Variants in OR2AK2 observed in about 807,000 individuals in gnomAD.
OR2AK2 encodes olfactory receptor 2AK2.
For missense variants in OR2AK2, 392 were observed against 384.1 expected (o/e 1.02, Z -0.17); for synonymous variants, 139 against 147.2 (o/e 0.94, Z 0.40).
rs148880648 is a variant in OR2AK2, at chr1:247,965,949, C to T, written c.573C>T (p.Asp191=). Residue 191 remains aspartate, a synonymous_variant, in exon 1 of 1, where the codon GAC becomes GAT. Transcript: ENST00000366480. ...CTCTACTATCATTGGTGTGTCAGGA[C>T]ACCTCCCAGTATGAGTATACAGTCC... is the stretch of plus-strand genomic sequence containing the variant. 1,043 of 1,608,602 alleles carry T rather than the reference C, an allele frequency of 6.5e-4. 1 individual carries two copies. Among genetic ancestry groups the T allele is most frequent in the Non-Finnish European group, 7.9e-4 (925 of 1,177,050 alleles).
exon 1 of OR2AK2, chr1:247,966,094 A>C (rs752019788): frequency 8.7e-6 from 14 of 1,613,952 alleles, no homozygotes; most frequent in Non-Finnish European, 1.1e-5. Flanking sequence ...AGCTGTTTCC[A>C]CTTGTTCCTC....
At chr1:247,965,270 G>A (rs1028414923) in exon 1 of OR2AK2, 1 of 1,331,094 alleles carries the variant, frequency 7.5e-7, no homozygotes, top group African/African-American at 1.5e-5. Context: ...ACATGTAAGT[G>A]AATATTTATT....
chr1:247,965,590 A>T, exon 1 of OR2AK2: 1 of 1,589,050 alleles, frequency 6.3e-7, no homozygotes, highest in Non-Finnish European at 8.6e-7. Flanking sequence ...CGTTGACCTC[A>T]TGTACATCTC....
At chr1:247,966,149 C>T (rs2103033332) in exon 1 of OR2AK2, 1 of 1,614,154 alleles carries the variant, frequency 6.2e-7, no homozygotes, top group Non-Finnish European at 8.5e-7. Flanking sequence ...ACTCTCTTTA[C>T]CTACACAAGG....
chr1:247,965,450 C>G (rs367603894), exon 1 of OR2AK2: 10 of 1,613,654 alleles, frequency 6.2e-6, no homozygotes, highest in Non-Finnish European at 7.6e-6. Context: ...TGGATAAACT[C>G]TCTTCTCTTT....
rs762679392 is a variant in OR2AK2 at position 247,966,076 on chromosome 1, C to A, written c.700C>A (p.Gln234Lys). 2 of 1,614,186 alleles carry A rather than the reference C, an allele frequency of 1.2e-6. No individual in the cohort carries two copies. Among genetic ancestry groups the A allele is most frequent in the South Asian group, 2.2e-5 (2 of 91,084 alleles). The change falls in exon 1 of 1, where the codon CAG (glutamine) becomes AAG (lysine). Residue 234 changes from glutamine (Q) to lysine (K), a missense_variant. Transcript: ENST00000366480. ...ATTCCAGATGAGCTCAGGAAAAGGA[C>A]AGGCAAAAGCTGTTTCCACTTGTTC...
chr1:247,965,354 C>T (rs370318654), exon 1 of OR2AK2: 1 of 1,596,148 alleles, frequency 6.3e-7, no homozygotes, highest in Non-Finnish European at 8.5e-7. Flanking sequence ...GATGTCATCT[C>T]CTTTGATATT....
exon 1 of OR2AK2, chr1:247,965,580 C>T (rs768902616): frequency 4.3e-5 from 69 of 1,596,822 alleles, no homozygotes; most frequent in Non-Finnish European, 4.9e-5. Flanking sequence ...AGCTCTCCAT[C>T]GTTGACCTCA....
Position 247,965,862 on chromosome 1 carries a change from T to A in OR2AK2, c.486T>A (p.Tyr162Ter). ...TCAATGCTTTCATACATACATTGTATGTGTTTCAGCTTCCATTCTGTAGGT... is the reference window on the plus strand; with the variant it reads ...TCAATGCTTTCATACATACATTGTAAGTGTTTCAGCTTCCATTCTGTAGGT... Residue 162 changes from tyrosine to a stop codon, truncating the protein, a stop_gained, in exon 1 of 1, where the codon TAT becomes TAA. Transcript: ENST00000366480. LOFTEE classifies it low-confidence loss of function (END_TRUNC). The A allele has an allele frequency of 6.2e-7, 1 of 1,613,878 alleles. No homozygotes were observed. Among genetic ancestry groups the A allele is most frequent in the East Asian group, 2.2e-5 (1 of 44,870 alleles).
exon 1 of OR2AK2, chr1:247,966,101 C>T: frequency 1.9e-6 from 3 of 1,614,072 alleles, no homozygotes; most frequent in Middle Eastern, 1.6e-4. Context: ...TCCACTTGTT[C>T]CTCCCACCTG....
In OR2AK2 at chr1:247,966,023, C is replaced by G. The variant is rs141137318; in HGVS notation, c.647C>G (p.Ala216Gly). 14 of 1,613,830 alleles carry G rather than the reference C, an allele frequency of 8.7e-6. No homozygotes were observed. The African/African-American group carries it at 1.9e-4, about 22-fold the overall frequency. The stretch of plus-strand genomic sequence containing the variant: ...CTACTACCATTCCTAGCCATTCTGG[C>G]TTCCTATGCTCGTGTGCTTATTGTG... The change falls in exon 1 of 1, where the codon GCT becomes GGT. Residue 216 changes from alanine to glycine, a missense_variant. Physicochemically the swap from Ala to Gly is moderately conservative, Grantham distance 60. Transcript: ENST00000366480.
At position 247,965,403 on chromosome 1, in the gene OR2AK2, GA is replaced by G; in HGVS notation, c.28del (p.Thr10GlnfsTer14). 6.2e-7 allele frequency: 1 copy of G among 1,610,762 alleles called. No homozygotes were observed. The highest frequency in any genetic ancestry group is 8.5e-7 in the Non-Finnish European group (1 of 1,178,662). ...TGAAAACAGGAAATCAAAGTTTTGG[GA>G]CAGATTTTCTACTTGTTGGTCTTTT... is the stretch of plus-strand genomic sequence containing the variant. On this transcript the variant is annotated frameshift_variant, in exon 1 of 1. Transcript: ENST00000366480. LOFTEE classifies it low-confidence loss of function (END_TRUNC).
In OR2AK2 at chr1:247,965,760, C is replaced by G. The variant is rs754971387; in HGVS notation, c.384C>G (p.His128Gln). Residue 128 changes from histidine to glutamine, a missense_variant, in exon 1 of 1, where the codon CAC becomes CAG. Coordinates refer to ENST00000366480, the Ensembl canonical transcript of OR2AK2. ...ATGATCGCTATGTAGCTATCTGTCA[C>G]CCTTTACATTATCCTATGCTTATGA... is the stretch of plus-strand genomic sequence containing the variant. The G allele has an allele frequency of 4.4e-6, 7 of 1,579,208 alleles. No homozygotes were observed. In the African/African-American group the frequency reaches 8.1e-5, roughly 18 times the overall value.
At chr1:247,966,354 C>T in exon 1 of OR2AK2, 1 of 1,587,690 alleles carries the variant, frequency 6.3e-7, no homozygotes, top group East Asian at 2.2e-5. Flanking sequence ...GCATTAACAA[C>T]ATAAAAAGCT....
chr1:247,965,467 A>G (rs775149642), exon 1 of OR2AK2: 11 of 1,613,836 alleles, frequency 6.8e-6, no homozygotes, highest in Non-Finnish European at 9.3e-6. Flanking sequence ...CTTTGTCGTC[A>G]TTGCCACCCT....
Position 247,965,804 on chromosome 1 carries a change from TCATGGTTG to T in OR2AK2, c.433_440del (p.Val145CysfsTer23). The T allele has an allele frequency of 6.2e-7, 1 of 1,608,360 alleles. No homozygotes were observed. Among genetic ancestry groups the T allele is most frequent in the Non-Finnish European group, 8.5e-7 (1 of 1,176,542 alleles). ...CTTATGAGCAAGAAGATCTGCTGCC[TCATGGTTG>T]CATGTGCATGGGCCAGTGGTTCTAT... On this transcript the variant is annotated frameshift_variant, in exon 1 of 1. Transcript: ENST00000366480. LOFTEE classifies it low-confidence loss of function (END_TRUNC).
At chr1:247,965,540 T>C (rs1162369144) in exon 1 of OR2AK2, 2 of 1,612,390 alleles carry the variant, frequency 1.2e-6, no homozygotes, top group African/African-American at 2.7e-5. Flanking sequence ...AACACCAGAC[T>C]CCACACTCCA....
At chr1:247,965,872 C>T in exon 1 of OR2AK2, 1 of 1,613,822 alleles carries the variant, frequency 6.2e-7, no homozygotes, top group Non-Finnish European at 8.5e-7. Context: ...TGTGTTTCAG[C>T]TTCCATTCTG....
chr1:247,966,379 T>A (rs1440186841), exon 1 of OR2AK2: 1 of 1,550,520 alleles, frequency 6.4e-7, no homozygotes, highest in South Asian at 1.2e-5. Context: ...CTGAAAACTA[T>A]CTGGAAAGAT....
Sources: gnomAD v4.1 joint callset for allele counts on GRCh38, gnomAD v4.1.1 for gene constraint, MANE v1.5 for transcripts, NCBI Gene and HGNC (gene_info 2026-07-23, HGNC 2026-07-21) for gene names.